NMT1: variants seen among roughly 807,000 people sequenced by gnomAD.
NMT1 encodes the protein N-myristoyltransferase 1.
NMT1 carries 12 observed loss-of-function variants against 63.4 expected under a neutral mutation model. The ratio of observed to expected loss-of-function variants is 0.19; its 90% CI spans 0.12 to 0.31. The LOEUF (loss-of-function observed/expected upper bound fraction) is 0.31, where lower values mean the gene tolerates loss of function less well. NMT1 is among the 10% of genes least tolerant of loss of function. The probability of loss-of-function intolerance (pLI) is 1.00; values close to 1 mark genes in which losing one functional copy is unlikely to be tolerated. For synonymous variants in NMT1, 228 were observed against 234.3 expected, an observed-to-expected ratio of 0.97 and a Z score of 0.25; for missense variants, 432 against 634.6, an observed-to-expected ratio of 0.68 and a Z score of 3.43.
intron 8 of NMT1, among the ~76,000 whole-genome samples, 186 bp from the exon 9 acceptor site, chr17:45,102,765 G>A (rs978744344): frequency 6.6e-6 from 1 of 152,208 alleles, no homozygotes; most frequent in African/African-American, 2.4e-5. Context: ...GAGTCTGCCT[G>A]GACTAGGAGG....
At chr17:45,067,656 T>A (rs1473144260) in intron 1 of NMT1, among the ~76,000 whole-genome samples, 1 of 152,256 alleles carries the variant, frequency 6.6e-6, no homozygotes, top group East Asian at 1.9e-4. Flanking sequence ...AGAAATCTTT[T>A]TAGTTCCTTT....
intron 3 of NMT1, among the ~76,000 whole-genome samples, chr17:45,087,734 C>T (rs1003021545): frequency 2.0e-5 from 3 of 152,194 alleles, no homozygotes; most frequent in Admixed American, 1.3e-4. Flanking sequence ...CACATTACTG[C>T]TCCCCTCCAG....
At chr17:45,085,728 C>T (rs1567866756) in intron 2 of NMT1, among the ~76,000 whole-genome samples, 1 of 152,168 alleles carries the variant, frequency 6.6e-6, no homozygotes, top group Non-Finnish European at 1.5e-5. Context: ...CATCATATAG[C>T]TCATTGTCAA....
intron 8 of NMT1, 32 bp from the exon 9 acceptor site, chr17:45,102,919 A>G (rs1311223121): frequency 1.3e-6 from 2 of 1,587,052 alleles, no homozygotes; most frequent in Non-Finnish European, 1.7e-6. Context: ...TGATCAGCTC[A>G]TCTCACTCCA....
intron 4 of NMT1, 27 bp from the exon 5 acceptor site, chr17:45,096,167 C>T (rs2054123799): frequency 2.6e-6 from 4 of 1,567,496 alleles, no homozygotes; most frequent in Non-Finnish European, 3.5e-6. Flanking sequence ...CAGAATACCT[C>T]CAAGTGAGCT....
At chr17:45,089,473 T>G (rs922766395) in intron 3 of NMT1, among the ~76,000 whole-genome samples, 3 of 151,550 alleles carry the variant, frequency 2.0e-5, no homozygotes, top group Middle Eastern at 6.4e-3. Flanking sequence ...TCCCGAGTAG[T>G]TGGGATTACA....
At chr17:45,084,646 T>A (rs561174246) in intron 2 of NMT1, among the ~76,000 whole-genome samples, 3 of 151,460 alleles carry the variant, frequency 2.0e-5, no homozygotes, top group East Asian at 2.0e-4. Context: ...TTTTTTTTTT[T>A]AATAGGGACA....
intron 7 of NMT1, 96 bp downstream of exon 7, chr17:45,098,648 T>TC: frequency 1.7e-6 from 2 of 1,184,728 alleles, no homozygotes; most frequent in Non-Finnish European, 2.4e-6. Flanking sequence ...GCCCTTAGCA[T>TC]CCCACCTCTG....
At chr17:45,075,637 C>T (rs529151195) in intron 1 of NMT1, among the ~76,000 whole-genome samples, 1 of 151,380 alleles carries the variant, frequency 6.6e-6, no homozygotes, top group Non-Finnish European at 1.5e-5. Context: ...AAAAATTAGC[C>T]AGGCATGGTG....
At chr17:45,068,482 A>G (rs1033418794) in intron 1 of NMT1, among the ~76,000 whole-genome samples, 2 of 152,168 alleles carry the variant, frequency 1.3e-5, no homozygotes, top group African/African-American at 4.8e-5. Flanking sequence ...AAAAAAATAA[A>G]CAGAACAACA....
At chr17:45,092,838 C>T (rs962909947) in intron 3 of NMT1, among the ~76,000 whole-genome samples, 23 of 152,146 alleles carry the variant, frequency 1.5e-4, no homozygotes, top group African/African-American at 5.3e-4. Context: ...CTGGGTTGGT[C>T]CCTTTTGAAG....
At chr17:45,099,780 C>T in intron 8 of NMT1, 2 of 443,862 alleles carry the variant, frequency 4.5e-6, no homozygotes, top group Non-Finnish European at 8.3e-6. Flanking sequence ...CACCTATTCT[C>T]TGTAATTTTA....
intron 2 of NMT1, among the ~76,000 whole-genome samples, chr17:45,084,526 G>A (rs1290335379): frequency 4.6e-5 from 7 of 151,940 alleles, no homozygotes; most frequent in Non-Finnish European, 8.8e-5. Flanking sequence ...GTAGGGACGG[G>A]GTTTCACTGT....
At position 45,072,363 on chromosome 17, in the gene NMT1, G is replaced by A. The variant is rs538725513; in HGVS notation, c.132-9281G>A. ...CAACCTCCCCCTCCCAGGTTCAAGC[G>A]ATTCTTCTGCCTCAGCCTCCCAAGT... On this transcript the variant is annotated intron_variant, in intron 1 of 11. Transcript: ENST00000258960. Among the ~76,000 whole-genome samples, 9 of 150,184 alleles carry A rather than the reference G, an allele frequency of 6.0e-5. No individual in the cohort carries two copies. The East Asian group carries it at 1.0e-3, about 17-fold the overall frequency.
chr17:45,075,803 C>G (rs2053973859), intron 1 of NMT1, among the ~76,000 whole-genome samples: 1 of 152,106 alleles, frequency 6.6e-6, no homozygotes, highest in South Asian at 2.1e-4. Context: ...GGCACGGTGG[C>G]TTACGCCTGT....
At chr17:45,091,680 C>G (rs146327545) in intron 3 of NMT1, among the ~76,000 whole-genome samples, 76 of 152,130 alleles carry the variant, frequency 5.0e-4, no homozygotes, top group African/African-American at 1.8e-3. Flanking sequence ...ACATAGCTGT[C>G]AGTTGGAAGC....
Position 45,088,179 on chromosome 17 carries a change from C to T in NMT1, c.385+1527C>T, listed in dbSNP as rs183462161. Reference sequence around the variant, plus strand: ...ACCGTGTGTGTTTGGCTGCCCTCATCGGCCAGGTCCCAGGCCCACTGGCTA... The same window carrying T: ...ACCGTGTGTGTTTGGCTGCCCTCATTGGCCAGGTCCCAGGCCCACTGGCTA... On this transcript the variant is annotated intron_variant, in intron 3 of 11. Coordinates refer to ENST00000258960, the MANE Select transcript of NMT1 (RefSeq NM_021079.5). Among the ~76,000 whole-genome samples, 7 of 152,260 alleles carry T rather than the reference C, an allele frequency of 4.6e-5. No individual in the cohort carries two copies. In the East Asian group the frequency reaches 1.2e-3, roughly 25 times the overall value.
At chr17:45,089,635 C>G (rs976806029) in intron 3 of NMT1, among the ~76,000 whole-genome samples, 18 of 150,218 alleles carry the variant, frequency 1.2e-4, no homozygotes, top group Non-Finnish European at 2.2e-4. Context: ...CTACCGCACC[C>G]GGCCCTCTCT....
In NMT1 at chr17:45,104,098, T is replaced by G. The variant is rs757549899; in HGVS notation, c.1332+222T>G. Reference sequence around the variant, plus strand: ...AGGCATTGAACTCCTCCTGATTCATTTCAGTGAGTTTCGTTCTCACAGGAG... The same window carrying G: ...AGGCATTGAACTCCTCCTGATTCATGTCAGTGAGTTTCGTTCTCACAGGAG... On this transcript the variant is annotated intron_variant, in intron 10 of 11. Transcript: ENST00000258960. This position sits in a 1 kb window ranked among gnomAD's most constrained non-coding sequence, Gnocchi z 4.2. The G allele has an allele frequency of 6.9e-7, 1 of 1,444,152 alleles. No individual in the cohort carries two copies. Among genetic ancestry groups the G allele is most frequent in the Non-Finnish European group, 9.1e-7 (1 of 1,096,418 alleles). 89.5% of individuals were successfully genotyped at this position (1,444,152 alleles called of 1,614,324 possible).
Sources: gnomAD v4.1 joint callset for allele counts (sites outside exome capture counted in the v4.1 genomes callset) on GRCh38, gnomAD v4.1.1 for gene constraint, Gnocchi (gnomAD v3.1) non-coding constraint, MANE v1.5 for transcripts, NCBI Gene and HGNC (gene_info 2026-07-23, HGNC 2026-07-21) for gene names.